Variants in KSR2 observed in about 807,000 individuals in gnomAD.
KSR2 encodes kinase suppressor of ras 2.
A neutral mutation model predicts 107.8 loss-of-function variants in KSR2; 25 were observed. That is an observed-to-expected ratio of 0.23 (90% confidence interval 0.17 to 0.32). The LOEUF (loss-of-function observed/expected upper bound fraction) is 0.32, where lower values mean the gene tolerates loss of function less well. Among genes scored for constraint, KSR2 ranks in the 10% least tolerant of loss-of-function variants. The pLI is 1.00. For synonymous variants in KSR2, 480 were observed against 507.0 expected, an observed-to-expected ratio of 0.95 and a Z score of 0.71; for missense variants, 887 against 1,268.9, an observed-to-expected ratio of 0.70 and a Z score of 4.57.
At chr12:117,482,123 T>C (rs1872208550) in intron 16 of KSR2, among the ~76,000 whole-genome samples, 1 of 152,058 alleles carries the variant, frequency 6.6e-6, no homozygotes, top group Non-Finnish European at 1.5e-5. Flanking sequence ...GAAGTTTGAC[T>C]ACCCTGAGAC....
chr12:117,583,422 TGG>T (rs1879808452), intron 5 of KSR2, among the ~76,000 whole-genome samples: 1 of 137,700 alleles, frequency 7.3e-6, no homozygotes, highest in Non-Finnish European at 1.5e-5. Flanking sequence ...GATGGATGGA[TGG>T]ATGGATGGAT....
At chr12:117,841,936 G>C (rs773633959) in intron 3 of KSR2, among the ~76,000 whole-genome samples, 37 of 152,248 alleles carry the variant, frequency 2.4e-4, no homozygotes, top group Non-Finnish European at 4.4e-5. Context: ...ATTTGTCGCT[G>C]CTGTTATCAT....
intron 3 of KSR2, among the ~76,000 whole-genome samples, chr12:117,812,175 T>A (rs1257600904): frequency 6.6e-6 from 1 of 152,218 alleles, no homozygotes; most frequent in Non-Finnish European, 1.5e-5. Context: ...ATATGGCTAC[T>A]GGGCACTTGA....
At chr12:117,951,940 T>A (rs576001849) in intron 1 of KSR2, among the ~76,000 whole-genome samples, 1 of 152,240 alleles carries the variant, frequency 6.6e-6, no homozygotes, top group East Asian at 1.9e-4. Context: ...TGATTTTGTA[T>A]GTGGAATCTA....
chr12:117,793,510 AATATGCAC>A (rs1890378250), intron 3 of KSR2, among the ~76,000 whole-genome samples: 1 of 124,902 alleles, frequency 8.0e-6, no homozygotes, highest in Admixed American at 8.2e-5. Context: ...CCCTTACACC[AATATGCAC>A]ACATACACCA....
intron 5 of KSR2, among the ~76,000 whole-genome samples, chr12:117,635,705 C>T (rs1017058219): frequency 3.3e-5 from 5 of 152,062 alleles, no homozygotes; most frequent in African/African-American, 1.2e-4. Flanking sequence ...AAAGAGTTCT[C>T]ATATACCCTT....
chr12:117,624,304 C>T (rs1882350614), intron 5 of KSR2, among the ~76,000 whole-genome samples: 1 of 152,172 alleles, frequency 6.6e-6, no homozygotes, highest in South Asian at 2.1e-4. Flanking sequence ...CTTGCCCATG[C>T]CTATGTCCTG....
At chr12:117,880,867 AC>A (rs1894003789) in intron 1 of KSR2, among the ~76,000 whole-genome samples, 1 of 151,824 alleles carries the variant, frequency 6.6e-6, no homozygotes, top group South Asian at 2.1e-4. Context: ...ACGGGGATTC[AC>A]CATGTTGGCC....
At chr12:117,537,214 A>AAAC (rs202139091) in intron 10 of KSR2, among the ~76,000 whole-genome samples, 1 of 151,950 alleles carries the variant, frequency 6.6e-6, no homozygotes, top group African/African-American at 2.4e-5. Flanking sequence ...CTCCATCTCA[A>AAAC]AACAACAACA....
chr12:117,941,700 T>C (rs1352638035), intron 1 of KSR2, among the ~76,000 whole-genome samples: 1 of 141,656 alleles, frequency 7.1e-6, no homozygotes, highest in Non-Finnish European at 1.5e-5. Context: ...GATCTTGGCT[T>C]ACTGCAGCCT....
Position 117,942,369 on chromosome 12 carries a change from C to G in KSR2, c.180+25707G>C, listed in dbSNP as rs372617172. ...TATTTTTGACCCACTAACCAACCCA[C>G]TTCACCTCTCCTTCCCTACAACCCT... On this transcript the variant is annotated intron_variant, in intron 1 of 19. Transcript: ENST00000339824. Among the ~76,000 whole-genome samples, 10 of 152,298 alleles carry G rather than the reference C, an allele frequency of 6.6e-5. No individual in the cohort carries two copies. The East Asian group carries it at 1.7e-3, about 26-fold the overall frequency.
At position 117,672,049 on chromosome 12, in the gene KSR2, CA is replaced by C. The variant is rs1884929773; in HGVS notation, c.987-4392del. Among the ~76,000 whole-genome samples the C allele has an allele frequency of 2.0e-5, 3 of 152,196 alleles. No individual in the cohort carries two copies. In the South Asian group the frequency reaches 6.2e-4, roughly 32 times the overall value. On this transcript the variant is annotated intron_variant, in intron 4 of 19. Coordinates refer to ENST00000339824, the MANE Select transcript of KSR2 (RefSeq NM_173598.6). ...GGAACGCCAACTCTGCTTATCTCCCCAGGGGCCCACGGCGAGGACCAGCAAG... is the reference window on the plus strand; with the variant it reads ...GGAACGCCAACTCTGCTTATCTCCCCGGGGCCCACGGCGAGGACCAGCAAG...
chr12:117,864,317 G>A (rs1442333539), intron 1 of KSR2, among the ~76,000 whole-genome samples: 3 of 152,144 alleles, frequency 2.0e-5, no homozygotes, highest in Non-Finnish European at 4.4e-5. Flanking sequence ...AGAATGACAC[G>A]GATGTGGGAT....
intron 14 of KSR2, among the ~76,000 whole-genome samples, chr12:117,496,224 G>C (rs1178288898): frequency 6.6e-6 from 1 of 152,088 alleles, no homozygotes; most frequent in Non-Finnish European, 1.5e-5. Context: ...GGCTTCATAG[G>C]GAGGGAGTAT....
intron 4 of KSR2, among the ~76,000 whole-genome samples, chr12:117,682,639 A>G (rs1333992375): frequency 6.6e-6 from 1 of 152,022 alleles, no homozygotes; most frequent in Admixed American, 6.5e-5. Flanking sequence ...GGCTGGTCTC[A>G]AACTCCCGAC....
intron 19 of KSR2, among the ~76,000 whole-genome samples, chr12:117,469,095 CATT>C (rs1453974138): frequency 6.6e-6 from 1 of 152,184 alleles, no homozygotes; most frequent in East Asian, 1.9e-4. Flanking sequence ...ATGCCACACT[CATT>C]ATCTCAGATA....
At chr12:117,685,842 C>T (rs1262319322) in intron 4 of KSR2, among the ~76,000 whole-genome samples, 1 of 152,214 alleles carries the variant, frequency 6.6e-6, no homozygotes, top group Non-Finnish European at 1.5e-5. Context: ...GGATGAATTC[C>T]TGACCTAGCT....
intron 3 of KSR2, among the ~76,000 whole-genome samples, chr12:117,799,903 A>G (rs1328470678): frequency 6.6e-6 from 1 of 152,198 alleles, no homozygotes; most frequent in African/African-American, 2.4e-5. Context: ...GTTGAGTGTA[A>G]AAAAGGCAGA....
chr12:117,851,883 C>A, intron 3 of KSR2, among the ~76,000 whole-genome samples: 1 of 148,630 alleles, frequency 6.7e-6, no homozygotes. Context: ...AGAGAGACTC[C>A]ATCTTAAAAA....
Sources: allele counts gnomAD v4.1 joint callset (sites outside exome capture counted in the v4.1 genomes callset), GRCh38; gene constraint gnomAD v4.1.1; transcripts MANE v1.5; gene names NCBI Gene and HGNC (gene_info 2026-07-23, HGNC 2026-07-21).